The following MACROD2 variants were observed in gnomAD, a reference collection of about 807,000 sequenced individuals.
MACROD2 encodes the protein mono-ADP ribosylhydrolase 2, also known as ADP-ribose glycohydrolase MACROD2.
A neutral mutation model predicts 70.4 loss-of-function variants in MACROD2; 36 were observed. The ratio of observed to expected loss-of-function variants is 0.51; its 90% confidence interval spans 0.39 to 0.68. The LOEUF is 0.68. MACROD2 is among the 30% of genes least tolerant of loss of function. MACROD2 has a pLI of 0.00. For missense variants in MACROD2, 496 were observed against 538.4 expected (o/e 0.92, Z 0.78); for synonymous variants, 172 against 178.8 (o/e 0.96, Z 0.30).
chr20:14,198,156 G>A (rs1438290086), intron 3 of MACROD2, among the ~76,000 whole-genome samples: 3 of 151,848 alleles, frequency 2.0e-5, no homozygotes, highest in Admixed American at 1.3e-4. Flanking sequence ...GGGGAGAAGC[G>A]AGAAAGAGAG....
At chr20:14,029,848 C>T (rs577281273) in intron 2 of MACROD2, among the ~76,000 whole-genome samples, 11 of 152,204 alleles carry the variant, frequency 7.2e-5, no homozygotes, top group Middle Eastern at 6.8e-3. Flanking sequence ...TTTATCGATA[C>T]TTTCTGTTAT....
At chr20:14,793,225 G>C (rs2072470776) in intron 5 of MACROD2, among the ~76,000 whole-genome samples, 1 of 151,816 alleles carries the variant, frequency 6.6e-6, no homozygotes, top group African/African-American at 2.4e-5. Context: ...ATCTTTATCA[G>C]GTTATAGTGT....
At chr20:14,950,137 G>A (rs950438212) in intron 5 of MACROD2, among the ~76,000 whole-genome samples, 18 of 152,054 alleles carry the variant, frequency 1.2e-4, no homozygotes, top group African/African-American at 4.3e-4. Context: ...TCTAATTCTT[G>A]AAAACGTGGG....
intron 3 of MACROD2, among the ~76,000 whole-genome samples, chr20:14,106,118 G>C (rs1195482279): frequency 1.3e-5 from 2 of 152,214 alleles, no homozygotes; most frequent in African/African-American, 4.8e-5. Context: ...GTAACAAGCA[G>C]GTTCTTGGAC....
chr20:15,209,444 A>G (rs138196886), intron 5 of MACROD2, among the ~76,000 whole-genome samples: 133 of 152,304 alleles, frequency 8.7e-4, no homozygotes, highest in African/African-American at 3.1e-3. Flanking sequence ...TGAGTGCTAA[A>G]GTTAGGAAAA....
chr20:14,071,064 A>G (rs1047073401), intron 2 of MACROD2, among the ~76,000 whole-genome samples: 29 of 152,224 alleles, frequency 1.9e-4, no homozygotes, highest in African/African-American at 7.0e-4. Flanking sequence ...TGTTTATCAG[A>G]TGATCTTCAG....
At chr20:16,025,217 G>A (rs2067060870) in intron 15 of MACROD2, among the ~76,000 whole-genome samples, 1 of 152,124 alleles carries the variant, frequency 6.6e-6, no homozygotes, top group Non-Finnish European at 1.5e-5. Context: ...AGCAGCTGTG[G>A]GCCCATTATT....
chr20:14,212,011 A>G (rs2122135805), intron 3 of MACROD2, among the ~76,000 whole-genome samples: 1 of 152,300 alleles, frequency 6.6e-6, no homozygotes, highest in African/African-American at 2.4e-5. Context: ...AGTACTGTTT[A>G]ATTTATGAAA....
rs181720101 is a variant in MACROD2, at chr20:14,844,663, G to A, written c.418+159704G>A. Among the ~76,000 whole-genome samples, 3 of 151,960 alleles carry A rather than the reference G, an allele frequency of 2.0e-5. 1 individual carries two copies. The highest frequency in any genetic ancestry group is 2.9e-5 in the Non-Finnish European group (2 of 67,972). The stretch of plus-strand genomic sequence containing the variant: ...AACTCAGATACTTTAAGACAAAAGG[G>A]GTACTTCTTTCTCTCAAAAAGAAAG... On this transcript the variant is annotated intron_variant, in intron 5 of 17. Transcript: ENST00000684519.
At chr20:14,661,840 A>G (rs751575699) in intron 4 of MACROD2, among the ~76,000 whole-genome samples, 2 of 152,086 alleles carry the variant, frequency 1.3e-5, no homozygotes, top group Non-Finnish European at 2.9e-5. Flanking sequence ...TGGTGTTGTA[A>G]TAATATGCTC....
Position 14,382,562 on chromosome 20 carries a change from G to A in MACROD2, c.272-110917G>A, listed in dbSNP as rs187432597. Among the ~76,000 whole-genome samples the A allele has an allele frequency of 2.7e-4, 41 of 152,072 alleles. No individual in the cohort carries two copies. The East Asian group carries it at 3.9e-3, about 15-fold the overall frequency. On this transcript the variant is annotated intron_variant, in intron 3 of 17. Coordinates refer to ENST00000684519, the MANE Select transcript of MACROD2 (RefSeq NM_001351661.2). ...TCATGCCTGTAATCCCAGCGACTCC[G>A]GAGGCTGAGGCAGGAGAATCGCTTG...
chr20:14,515,463 A>ACACACACG (rs34190778), intron 4 of MACROD2, among the ~76,000 whole-genome samples: 1,974 of 138,770 alleles, frequency 0.014, 23 homozygotes, highest in African/African-American at 0.033. Context: ...ATACACACAC[A>ACACACACG]CGCACACACA....
chr20:15,911,313 C>G (rs1447667908), intron 10 of MACROD2, among the ~76,000 whole-genome samples: 2 of 152,180 alleles, frequency 1.3e-5, no homozygotes, highest in Non-Finnish European at 2.9e-5. Context: ...GGTATGCCTT[C>G]TATTCTAGTT....
At chr20:14,506,250 C>G (rs998643491) in intron 4 of MACROD2, among the ~76,000 whole-genome samples, 3 of 152,094 alleles carry the variant, frequency 2.0e-5, no homozygotes, top group African/African-American at 7.2e-5. Context: ...CCAAAGAGAC[C>G]CTAAGCTTTT....
intron 4 of MACROD2, among the ~76,000 whole-genome samples, chr20:14,643,903 T>C (rs1471686061): frequency 6.6e-6 from 1 of 152,144 alleles, no homozygotes; most frequent in Admixed American, 6.6e-5. Flanking sequence ...TGTGGATGGA[T>C]AGAATTTTTT....
At chr20:14,151,811 CTTTTTTTTTTTT>C (rs144065987) in intron 3 of MACROD2, among the ~76,000 whole-genome samples, 6 of 59,192 alleles carry the variant, frequency 1.0e-4, no homozygotes, top group African/African-American at 1.4e-4. Flanking sequence ...TGTATTGTAT[CTTTTTTTTTTTT>C]TTTTTTTTTT....
chr20:14,549,093 G>A (rs1304488742), intron 4 of MACROD2, among the ~76,000 whole-genome samples: 2 of 152,152 alleles, frequency 1.3e-5, no homozygotes, highest in African/African-American at 4.8e-5. Context: ...GCACTGAATG[G>A]TCCAAGTCAT....
chr20:14,758,768 G>T (rs2071976223), intron 5 of MACROD2, among the ~76,000 whole-genome samples: 1 of 152,002 alleles, frequency 6.6e-6, no homozygotes, highest in Non-Finnish European at 1.5e-5. Flanking sequence ...GATCTCTTTA[G>T]GATTTCAGTA....
chr20:14,261,799 C>T (rs1477624661), intron 3 of MACROD2, among the ~76,000 whole-genome samples: 5 of 152,136 alleles, frequency 3.3e-5, no homozygotes, highest in Admixed American at 3.3e-4. Flanking sequence ...TAGTAGAAGA[C>T]TAATTCACAG....
Sources: allele counts gnomAD v4.1 joint callset (sites outside exome capture counted in the v4.1 genomes callset), GRCh38; gene constraint gnomAD v4.1.1; transcripts MANE v1.5; gene names NCBI Gene and HGNC (gene_info 2026-07-23, HGNC 2026-07-21).